Variants in ATL2 observed in about 807,000 individuals in gnomAD.
The protein encoded by ATL2 is atlastin-2.
ATL2 carries 31 observed loss-of-function variants against 73.9 expected under a neutral mutation model. The ratio of observed to expected loss-of-function variants is 0.42; its 90% confidence interval spans 0.32 to 0.57. ATL2 has a LOEUF of 0.57. Ranked by LOEUF, ATL2 falls within the 20% of genes least tolerant of loss-of-function variation. The pLI, the probability that ATL2 is intolerant of heterozygous loss-of-function variation, is 0.14. For synonymous variants in ATL2, 291 were observed against 237.5 expected (o/e 1.23, Z -2.07); for missense variants, 738 against 702.6 (o/e 1.05, Z -0.57).
rs915833013 is a variant in ATL2, at chr2:38,295,196, T to G, written c.*798A>C. The G allele has an allele frequency of 6.6e-6, 1 of 152,128 alleles. No homozygotes were observed. Among genetic ancestry groups the G allele is most frequent in the Non-Finnish European group, 1.5e-5 (1 of 68,016 alleles). 9.4% of individuals were successfully genotyped at this position (152,128 alleles called of 1,614,324 possible). A position where few individuals can be genotyped will look rare whatever the true frequency, so the allele number is the denominator to read the frequency against. ...TTAATACAAAATCGTATTTATATAT[T>G]TATAAGTCATATACATGCCCTATCT... On this transcript the variant is annotated 3_prime_UTR_variant, in exon 13 of 13. Coordinates refer to ENST00000378954, the MANE Select transcript of ATL2 (RefSeq NM_001135673.4).
At chr2:38,367,090 G>C (rs1168450261) in intron 1 of ATL2, among the ~76,000 whole-genome samples, 1 of 151,732 alleles carries the variant, frequency 6.6e-6, no homozygotes, top group Non-Finnish European at 1.5e-5. Flanking sequence ...AAAGTGCTGG[G>C]ATTAAAGGCA....
chr2:38,314,631 C>G lies in ATL2; in HGVS notation c.688G>C (p.Glu230Gln), dbSNP rs1336369041. The G allele has an allele frequency of 3.7e-6, 6 of 1,600,250 alleles. No individual in the cohort carries two copies. Among genetic ancestry groups the G allele is most frequent in the Non-Finnish European group, 5.1e-6 (6 of 1,167,988 alleles). Residue 230 changes from glutamate to glutamine, a missense_variant, in exon 6 of 13, where the codon GAA (glutamate) becomes CAA (glutamine). Glu to Gln is a conservative substitution (Grantham distance 29). Transcript: ENST00000378954. Reference protein sequence around the residue: ...FTEYGRLAMEEIYQKPFQTLM... With the variant: ...FTEYGRLAMEQIYQKPFQTLM... ...ACCTGAAATGGTTTCTGGTAGATTT[C>G]TTCCATCGCAAGTCTTCCATACTCT... is the stretch of plus-strand genomic sequence containing the variant.
intron 1 of ATL2, among the ~76,000 whole-genome samples, chr2:38,369,697 T>C (rs1021005424): frequency 5.3e-5 from 8 of 151,896 alleles, no homozygotes; most frequent in African/African-American, 1.2e-4. Flanking sequence ...GGCTGCATAT[T>C]TGAGACCCTA....
At chr2:38,362,901 G>C (rs1270653732) in intron 1 of ATL2, among the ~76,000 whole-genome samples, 1 of 152,170 alleles carries the variant, frequency 6.6e-6, no homozygotes, top group Non-Finnish European at 1.5e-5. Flanking sequence ...GATGACATTT[G>C]AGCAAAGAAC....
intron 2 of ATL2, 86 bp downstream of exon 2, chr2:38,343,181 TA>T: frequency 1.5e-6 from 1 of 678,698 alleles, no homozygotes; most frequent in Non-Finnish European, 2.1e-6. Context: ...AAAAAAAAGA[TA>T]TAGTTCTGGT....
At chr2:38,349,144 A>G (rs1466024265) in intron 1 of ATL2, among the ~76,000 whole-genome samples, 2 of 152,054 alleles carry the variant, frequency 1.3e-5, no homozygotes, top group East Asian at 3.9e-4. Context: ...AACTAGAAAT[A>G]CCATTTGACC....
chr2:38,309,317 C>A lies in ATL2; in HGVS notation c.1071+62G>T, dbSNP rs1010198562. On this transcript the variant is annotated intron_variant, in intron 9 of 12. Coordinates refer to ENST00000378954, the MANE Select transcript of ATL2 (RefSeq NM_001135673.4). ...AAAGACAAGAAATTTCTTATACATA[C>A]AGATGAGTTTTAAGTCAACTACATT... 18 of 1,475,458 alleles carry A rather than the reference C, an allele frequency of 1.2e-5. No individual in the cohort carries two copies. The Admixed American group carries it at 4.2e-4, about 34-fold the overall frequency. The allele number at this position is 1,475,458 out of a possible 1,614,324, so 91.4% of individuals were successfully genotyped here. A position where few individuals can be genotyped will look rare whatever the true frequency, so the allele number is the denominator to read the frequency against.
At chr2:38,366,890 T>A (rs1035176202) in intron 1 of ATL2, among the ~76,000 whole-genome samples, 1 of 152,188 alleles carries the variant, frequency 6.6e-6, no homozygotes, top group East Asian at 1.9e-4. Flanking sequence ...CATTCCGGCC[T>A]CTAGTCCCAA....
intron 1 of ATL2, among the ~76,000 whole-genome samples, chr2:38,346,815 G>A (rs1198573818): frequency 6.6e-6 from 1 of 152,140 alleles, no homozygotes; most frequent in Non-Finnish European, 1.5e-5. Context: ...CCCTAGGGTT[G>A]GGAACCCCAG....
intron 1 of ATL2, among the ~76,000 whole-genome samples, chr2:38,366,409 T>C (rs145929006): frequency 8.3e-4 from 126 of 152,342 alleles, no homozygotes; most frequent in Admixed American, 1.8e-3. Context: ...CAGTTGCCTC[T>C]ATCTAATTGC....
chr2:38,338,399 C>T (rs1669499038), intron 2 of ATL2, among the ~76,000 whole-genome samples: 1 of 152,140 alleles, frequency 6.6e-6, no homozygotes, highest in Non-Finnish European at 1.5e-5. Flanking sequence ...CAAACATCAG[C>T]ATTAGGAAAC....
intron 2 of ATL2, among the ~76,000 whole-genome samples, chr2:38,324,091 C>T (rs899010366): frequency 1.3e-5 from 2 of 152,168 alleles, no homozygotes; most frequent in African/African-American, 4.8e-5. Context: ...GCCTGACCAA[C>T]ATGGAGATAC....
chr2:38,323,590 A>G (rs1378292695), intron 2 of ATL2, among the ~76,000 whole-genome samples: 1 of 152,068 alleles, frequency 6.6e-6, no homozygotes, highest in Non-Finnish European at 1.5e-5. Flanking sequence ...CAATTAAGAA[A>G]CCTTACCTAT....
At chr2:38,349,476 G>C (rs1346127629) in intron 1 of ATL2, among the ~76,000 whole-genome samples, 1 of 132,716 alleles carries the variant, frequency 7.5e-6, no homozygotes, top group Non-Finnish European at 1.5e-5. Context: ...TGAACAATGA[G>C]AACACACGGA....
intron 2 of ATL2, among the ~76,000 whole-genome samples, 184 bp from the exon 3 acceptor site, chr2:38,319,203 G>C (rs767682293): frequency 6.6e-6 from 1 of 152,128 alleles, no homozygotes. Flanking sequence ...TTTTCTTATA[G>C]AGACGTGGTC....
At chr2:38,309,168 T>A (rs990701717) in intron 9 of ATL2, among the ~76,000 whole-genome samples, 4 of 152,134 alleles carry the variant, frequency 2.6e-5, no homozygotes, top group Non-Finnish European at 4.4e-5. Context: ...ATTCTGTAAA[T>A]AAATTAAATC....
intron 9 of ATL2, among the ~76,000 whole-genome samples, chr2:38,307,041 C>T (rs56007518): frequency 3.9e-5 from 6 of 152,186 alleles, no homozygotes; most frequent in Non-Finnish European, 7.4e-5. Flanking sequence ...AAACCTAAGA[C>T]CCAAACTATG....
intron 9 of ATL2, 148 bp downstream of exon 9, chr2:38,309,231 G>C: frequency 2.7e-6 from 2 of 727,748 alleles, no homozygotes; most frequent in Middle Eastern, 4.1e-4. Flanking sequence ...CTTAAATACA[G>C]ATACATCTAA....
At chr2:38,322,395 T>A (rs7593981) in intron 2 of ATL2, among the ~76,000 whole-genome samples, 74,625 of 151,988 alleles carry the variant, frequency 0.49, 20,188 homozygotes, top group African/African-American at 0.74. Context: ...GGCTTGTAGT[T>A]GGTACTCTAA....
Sources: gnomAD v4.1 joint callset for allele counts (sites outside exome capture counted in the v4.1 genomes callset) on GRCh38, gnomAD v4.1.1 for gene constraint, MANE v1.5 for transcripts, NCBI Gene and HGNC (gene_info 2026-07-23, HGNC 2026-07-21) for gene names.